The following ZNG1E variants were observed in gnomAD, a reference collection of about 807,000 sequenced individuals.
ZNG1E encodes Zn regulated GTPase metalloprotein activator 1E.
the ZNG1E span, chr9:65,700,509 A>G: frequency 1.1e-5 from 1 of 91,144 alleles, no homozygotes; most frequent in African/African-American, 7.9e-5. Flanking sequence ...ATGGTAATAC[A>G]TAAAATTAGT....
the ZNG1E span, among the ~76,000 whole-genome samples, chr9:65,689,671 CTA>C: frequency 2.4e-5 from 3 of 127,184 alleles, no homozygotes; most frequent in African/African-American, 8.7e-5. Context: ...ATTTATTAGA[CTA>C]AAAATCAATG....
the ZNG1E span, among the ~76,000 whole-genome samples, chr9:65,661,979 A>C: frequency 6.6e-6 from 1 of 152,266 alleles, no homozygotes; most frequent in Non-Finnish European, 1.5e-5. Flanking sequence ...AACACAAGAC[A>C]TTTACATAGT....
chr9:65,685,000 C>CCA, the ZNG1E span, among the ~76,000 whole-genome samples: 1 of 149,664 alleles, frequency 6.7e-6, no homozygotes, highest in African/African-American at 2.5e-5. Context: ...CATGATTGCA[C>CCA]CACTGCACTC....
At chr9:65,660,212 A>T in the ZNG1E span, among the ~76,000 whole-genome samples, 3 of 137,254 alleles carry the variant, frequency 2.2e-5, no homozygotes, top group Non-Finnish European at 4.5e-5. Flanking sequence ...GATTTCTTGA[A>T]GAAAATGAAA....
chr9:65,664,410 T>C, the ZNG1E span, among the ~76,000 whole-genome samples: 1 of 126,468 alleles, frequency 7.9e-6, no homozygotes. Context: ...CAAGATCTGA[T>C]GGTTTTAAAA....
the ZNG1E span, chr9:65,719,835 A>C: frequency 1.4e-6 from 1 of 726,502 alleles, no homozygotes; most frequent in Non-Finnish European, 2.2e-6. Context: ...TATATATATG[A>C]ATGTGTGTTT....
At chr9:65,732,768 ATTG>A in the ZNG1E span, 1 of 1,401,178 alleles carries the variant, frequency 7.1e-7, no homozygotes, top group African/African-American at 1.5e-5. Flanking sequence ...AGAAAAGGGG[ATTG>A]TTCAAAAAAA....
the ZNG1E span, chr9:65,703,582 C>T: frequency 0.019 from 17,501 of 907,588 alleles, 881 homozygotes; most frequent in African/African-American, 0.086. Context: ...TTTTATTAAG[C>T]TCATTTTTTT....
the ZNG1E span, among the ~76,000 whole-genome samples, chr9:65,657,711 G>A: frequency 3.9e-5 from 6 of 152,388 alleles, no homozygotes; most frequent in East Asian, 7.7e-4. Flanking sequence ...AACTAAAAGA[G>A]TATAATTGGC....
At chr9:65,659,555 T>A in the ZNG1E span, among the ~76,000 whole-genome samples, 1 of 151,088 alleles carries the variant, frequency 6.6e-6, no homozygotes, top group Non-Finnish European at 1.5e-5. Context: ...TCAACTTCAC[T>A]GTGTCAGAGG....
At chr9:65,674,336 T>G in the ZNG1E span, among the ~76,000 whole-genome samples, 2 of 152,290 alleles carry the variant, frequency 1.3e-5, no homozygotes, top group Admixed American at 1.3e-4. Context: ...TTATATGTAC[T>G]TATCAGTAGA....
the ZNG1E span, among the ~76,000 whole-genome samples, chr9:65,662,017 A>C: frequency 6.6e-6 from 1 of 152,256 alleles, no homozygotes; most frequent in Admixed American, 6.5e-5. Context: ...TCAGGTACTT[A>C]TTAACTGCAT....
chr9:65,678,869 A>G, the ZNG1E span, among the ~76,000 whole-genome samples: 9 of 141,032 alleles, frequency 6.4e-5, no homozygotes, highest in Non-Finnish European at 1.4e-4. Context: ...TGTTGAAATA[A>G]AAGGTCACTG....
the ZNG1E span, chr9:65,681,997 AC>A: frequency 2.8e-6 from 1 of 363,614 alleles, no homozygotes; most frequent in Non-Finnish European, 5.2e-6. Context: ...TAAGTGTTCA[AC>A]CTTATAAAAA....
At chr9:65,691,740 C>G in the ZNG1E span, among the ~76,000 whole-genome samples, 4 of 151,990 alleles carry the variant, frequency 2.6e-5, no homozygotes, top group African/African-American at 7.2e-5. Flanking sequence ...ACACTCCTCC[C>G]TTACTTTATT....
chr9:65,717,272 C>A, the ZNG1E span, among the ~76,000 whole-genome samples: 1 of 149,602 alleles, frequency 6.7e-6, no homozygotes, highest in African/African-American at 2.5e-5. Flanking sequence ...CTCCATTAAG[C>A]GAATACAGCC....
chr9:65,665,264 G>T, the ZNG1E span, among the ~76,000 whole-genome samples: 2 of 152,282 alleles, frequency 1.3e-5, no homozygotes, highest in South Asian at 4.1e-4. Flanking sequence ...GGAAAAAGTG[G>T]TTTCGTGGGC....
At chr9:65,655,037 T>C in the ZNG1E span, among the ~76,000 whole-genome samples, 5 of 152,244 alleles carry the variant, frequency 3.3e-5, no homozygotes, top group Non-Finnish European at 7.3e-5. Flanking sequence ...AAGTACAAAG[T>C]CAATCCTTGG....
the ZNG1E span, among the ~76,000 whole-genome samples, chr9:65,653,979 TTTAGA>T: frequency 7.2e-6 from 1 of 138,882 alleles, no homozygotes; most frequent in Non-Finnish European, 1.6e-5. Flanking sequence ...GGAACATTAC[TTTAGA>T]TTAGAAAATA....
Sources: allele counts gnomAD v4.1 joint callset (sites outside exome capture counted in the v4.1 genomes callset), GRCh38; gene constraint gnomAD v4.1.1; transcripts MANE v1.5; gene names NCBI Gene and HGNC (gene_info 2026-07-23, HGNC 2026-07-21).